The following ADAP1 variants were observed in gnomAD, a reference collection of about 807,000 sequenced individuals.
ADAP1 encodes the protein ArfGAP with dual PH domains 1.
ADAP1 carries 31 observed loss-of-function variants against 54.9 expected under a neutral mutation model. The observed-to-expected ratio is 0.56, with a 90% CI of 0.42 to 0.76. ADAP1 has a LOEUF of 0.76. Among genes scored for constraint, ADAP1 ranks in the 30% least tolerant of loss-of-function variants. The pLI, the probability that ADAP1 is intolerant of heterozygous loss-of-function variation, is 0.00. For synonymous variants in ADAP1, 313 were observed against 202.6 expected (o/e 1.55, Z -4.63); for missense variants, 535 against 512.4 (o/e 1.04, Z -0.42).
At chr7:933,162 T>C (rs1846636330) in intron 2 of ADAP1, among the ~76,000 whole-genome samples, 1 of 151,656 alleles carries the variant, frequency 6.6e-6, no homozygotes, top group African/African-American at 2.4e-5. Flanking sequence ...TCCCAGCCAC[T>C]CGGGAGGCTG....
intron 7 of ADAP1, 81 bp downstream of exon 7, chr7:900,452 A>ACTCAGGGCACGAGGG: frequency 2.1e-6 from 3 of 1,429,140 alleles, no homozygotes; most frequent in Non-Finnish European, 2.9e-6. Flanking sequence ...ATCATCCCAG[A>ACTCAGGGCACGAGGG]CTCAGGGCAC....
At chr7:899,888 G>A (rs1459757155) in intron 8 of ADAP1, among the ~76,000 whole-genome samples, 1 of 152,226 alleles carries the variant, frequency 6.6e-6, no homozygotes, top group African/African-American at 2.4e-5. Context: ...GAGGAAGCTG[G>A]TCAGACGTGA....
At chr7:941,846 G>GA (rs1460682839) in intron 1 of ADAP1, among the ~76,000 whole-genome samples, 6 of 151,778 alleles carry the variant, frequency 4.0e-5, no homozygotes, top group African/African-American at 7.3e-5. Flanking sequence ...AAACAACTTA[G>GA]AAAAAAAAGA....
In ADAP1 at chr7:906,713, ACAT is replaced by A. The variant is rs1845432351; in HGVS notation, c.389-1544_389-1542del. Among the ~76,000 whole-genome samples, 6 of 21,650 alleles carry A rather than the reference ACAT, an allele frequency of 2.8e-4. 1 individual carries two copies. Among genetic ancestry groups the A allele is most frequent in the Admixed American group, 9.1e-4 (2 of 2,194 alleles). 14.2% of individuals were successfully genotyped at this position (21,650 alleles called of 152,430 possible). ...GGGGGACATGGACATGGGGGACGGGACATCGGGGACGGGACATGGGGGACAGAG... is the reference window on the plus strand; with the variant it reads ...GGGGGACATGGACATGGGGGACGGGACGGGGACGGGACATGGGGGACAGAG... On this transcript the variant is annotated intron_variant, in intron 4 of 10. Coordinates refer to ENST00000265846, the MANE Select transcript of ADAP1 (RefSeq NM_006869.4).
rs1228341760 is a variant in ADAP1 at position 920,698 on chromosome 7, G to A, written c.306-648C>T. The A allele has an allele frequency of 8.7e-7, 1 of 1,154,576 alleles. No homozygotes were observed. Among genetic ancestry groups the A allele is most frequent in the Non-Finnish European group, 1.2e-6 (1 of 820,516 alleles). The allele number at this position is 1,154,576 out of a possible 1,614,324, so 71.5% of individuals were successfully genotyped here. A position where few individuals can be genotyped will look rare whatever the true frequency, so the allele number is the denominator to read the frequency against. On this transcript the variant is annotated intron_variant, in intron 3 of 10. Transcript: ENST00000265846. The surrounding 1 kb of genome is among the most constrained non-coding windows in gnomAD (Gnocchi z 4.5). ...AGAAGCCCCCGAGAGTAAAGCCCGG[G>A]ACGAGGGCCCCCCACGGCACCCACT...
chr7:935,243 G>T, intron 2 of ADAP1, 132 bp downstream of exon 2: 1 of 1,327,688 alleles, frequency 7.5e-7, no homozygotes, highest in South Asian at 1.3e-5. Context: ...CTCGGGTCCA[G>T]CCAGCCAGGC....
chr7:942,367 A>AGGAGGAGGAGGAAG (rs1846966756), intron 1 of ADAP1, among the ~76,000 whole-genome samples: 1 of 88,518 alleles, frequency 1.1e-5, no homozygotes, highest in Admixed American at 1.2e-4. Context: ...AGGAAGAGAG[A>AGGAGGAGGAGGAAG]GGAGGAGGAG....
At chr7:942,380 AGGGAGAGAG>A (rs1388012388) in intron 1 of ADAP1, among the ~76,000 whole-genome samples, 1 of 76,202 alleles carries the variant, frequency 1.3e-5, no homozygotes, top group African/African-American at 5.7e-5. Context: ...AGGAGGAGGA[AGGGAGAGAG>A]GAGGAGGAAG....
rs1311162652 is a variant in ADAP1, at chr7:898,572, G to C, written c.*349C>G. ...AAGCAGGGCTCTGCGCTGAGGCCTGGAAGTTCCCACAGCCGTGGTGGGCGG... is the reference window on the plus strand; with the variant it reads ...AAGCAGGGCTCTGCGCTGAGGCCTGCAAGTTCCCACAGCCGTGGTGGGCGG... On this transcript the variant is annotated 3_prime_UTR_variant, in exon 11 of 11. Transcript: ENST00000265846. 9.9e-6 allele frequency: 4 copies of C among 402,166 alleles called. No individual in the cohort carries two copies. The highest frequency in any genetic ancestry group is 2.3e-5 in the South Asian group (1 of 43,466). The allele number at this position is 402,166 out of a possible 1,614,324, so 24.9% of individuals were successfully genotyped here.
chr7:935,396 G>A lies in ADAP1; in HGVS notation c.192C>T (p.Ala64=). The part of the protein sequence containing the change: ...VSKVKSVRLD[A]WEEAQVEFMA... ...GTACCTCCACTTGGGCCTCCTCCCA[G>A]GCGTCCAGGCGGACGGACTTCACCT... The change falls in exon 2 of 11, where the codon GCC becomes GCT. Residue 64 remains alanine (A), a synonymous_variant. Transcript: ENST00000265846. 1.3e-6 allele frequency: 2 copies of A among 1,559,966 alleles called. No individual in the cohort carries two copies. Among genetic ancestry groups the A allele is most frequent in the South Asian group, 1.2e-5 (1 of 84,726 alleles).
intron 4 of ADAP1, among the ~76,000 whole-genome samples, chr7:916,281 G>C (rs1845930992): frequency 6.6e-6 from 1 of 152,204 alleles, no homozygotes; most frequent in Non-Finnish European, 1.5e-5. Flanking sequence ...AGATAGAGGT[G>C]CTGAAACCAG....
At chr7:947,952 C>A (rs373071435) in intron 1 of ADAP1, among the ~76,000 whole-genome samples, 2 of 151,920 alleles carry the variant, frequency 1.3e-5, no homozygotes, top group Non-Finnish European at 2.9e-5. Context: ...CTTTGACCTG[C>A]GAGGTGCACG....
intron 1 of ADAP1, among the ~76,000 whole-genome samples, chr7:949,826 C>A (rs988891259): frequency 1.3e-5 from 2 of 152,250 alleles, no homozygotes; most frequent in Non-Finnish European, 2.9e-5. Context: ...AGGAAGCGGG[C>A]ACGTGTGACC....
intron 4 of ADAP1, among the ~76,000 whole-genome samples, chr7:912,459 C>A (rs114478303): frequency 0.013 from 2,051 of 152,272 alleles, 39 homozygotes; most frequent in African/African-American, 0.046. Flanking sequence ...CGCGTCCCCA[C>A]GCAGTGACCT....
rs373846581 is a variant in ADAP1 at position 920,027 on chromosome 7, C to A, written c.329G>T (p.Arg110Leu). ...DCQLLREQWI[R>L]AKYERQEFIY... ...GAACTCCTGTCGCTCGTACTTGGCC[C>A]GGATCCACTGCTCTCGAAGGAGCCT... The change falls in exon 4 of 11, where the codon CGG becomes CTG. Residue 110 changes from arginine to leucine, a missense_variant. Arg to Leu is a moderately radical substitution (Grantham distance 102, BLOSUM62 -2). Transcript: ENST00000265846. The surrounding 1 kb of genome is among the most constrained non-coding windows in gnomAD (Gnocchi z 4.5). The A allele has an allele frequency of 1.9e-6, 3 of 1,607,490 alleles. No individual in the cohort carries two copies. The Admixed American group carries it at 5.0e-5, about 27-fold the overall frequency.
At chr7:906,363 GAAAGAGA>G (rs1845326356) in intron 4 of ADAP1, among the ~76,000 whole-genome samples, 1 of 1,248 alleles carries the variant, frequency 8.0e-4, no homozygotes, top group Non-Finnish European at 1.0e-3. Context: ...GAGAAAGGGA[GAAAGAGA>G]AAGGAGAAAG....
chr7:952,401 G>A (rs1302971001), intron 1 of ADAP1, among the ~76,000 whole-genome samples: 1 of 152,226 alleles, frequency 6.6e-6, no homozygotes, highest in Admixed American at 6.5e-5. Context: ...TCTGAGGACA[G>A]CAGAACGTGC....
Position 920,121 on chromosome 7 carries a change from C to A in ADAP1, c.306-71G>T, listed in dbSNP as rs1726549011. 1 of 1,446,536 alleles carries A rather than the reference C, an allele frequency of 6.9e-7. No homozygotes were observed. Among genetic ancestry groups the A allele is most frequent in the Non-Finnish European group, 9.5e-7 (1 of 1,053,944 alleles). 89.6% of individuals were successfully genotyped at this position (1,446,536 alleles called of 1,614,324 possible). ...GACCCAGCACACGCCGCTCTCTGGC[C>A]CGGACCCTGGACATCTCAAGAGGCT... On this transcript the variant is annotated intron_variant, in intron 3 of 10. Transcript: ENST00000265846. This position sits in a 1 kb window ranked among gnomAD's most constrained non-coding sequence, Gnocchi z 4.5.
intron 1 of ADAP1, among the ~76,000 whole-genome samples, chr7:939,078 G>A (rs577599506): frequency 7.9e-5 from 12 of 152,172 alleles, no homozygotes; most frequent in South Asian, 2.1e-4. Flanking sequence ...TGGACTCTAC[G>A]GCGTGGACCA....
Sources: allele counts gnomAD v4.1 joint callset (sites outside exome capture counted in the v4.1 genomes callset), GRCh38; gene constraint gnomAD v4.1.1; non-coding constraint Gnocchi (gnomAD v3.1); transcripts MANE v1.5; gene names NCBI Gene and HGNC (gene_info 2026-07-23, HGNC 2026-07-21).